The following PLXNA4 variants were observed in gnomAD, a reference collection of about 807,000 sequenced individuals.
PLXNA4 encodes plexin A4.
PLXNA4 carries 44 observed loss-of-function variants against 191.8 expected under a neutral mutation model. The ratio of observed to expected loss-of-function variants is 0.23; its 90% CI spans 0.18 to 0.29. The LOEUF is 0.29. PLXNA4 is among the 10% of genes least tolerant of loss of function. PLXNA4 has a pLI of 1.00. For missense variants in PLXNA4, 1,800 were observed against 2,488.8 expected, an observed-to-expected ratio of 0.72 and a Z score of 5.89; for synonymous variants, 1,082 against 1,009.5, an observed-to-expected ratio of 1.07 and a Z score of -1.36.
At chr7:132,561,296 TCTC>T (rs1801030659) in intron 1 of PLXNA4, among the ~76,000 whole-genome samples, 1 of 136,712 alleles carries the variant, frequency 7.3e-6, no homozygotes, top group South Asian at 2.4e-4. Flanking sequence ...TCCTCCTCCT[TCTC>T]CTCCTCTTTC....
chr7:132,596,186 A>G (rs767879748), intron 2 of PLXNA4, among the ~76,000 whole-genome samples: 12 of 152,252 alleles, frequency 7.9e-5, no homozygotes, highest in Non-Finnish European at 1.2e-4. Flanking sequence ...TAAGTGTTGT[A>G]TATTCTTGAT....
chr7:132,468,781 C>T (rs748534805), intron 3 of PLXNA4, among the ~76,000 whole-genome samples: 3 of 152,008 alleles, frequency 2.0e-5, no homozygotes, highest in Admixed American at 1.3e-4. Context: ...TATTTATGCA[C>T]GACTGTTACA....
At chr7:132,635,933 G>A (rs1803596093) in intron 2 of PLXNA4, among the ~76,000 whole-genome samples, 1 of 152,200 alleles carries the variant, frequency 6.6e-6, no homozygotes, top group African/African-American at 2.4e-5. Flanking sequence ...AGGCAGCAAA[G>A]ATAGGATGCA....
At chr7:132,199,432 C>T (rs1797361766) in intron 12 of PLXNA4, among the ~76,000 whole-genome samples, 1 of 152,098 alleles carries the variant, frequency 6.6e-6, no homozygotes, top group South Asian at 2.1e-4. Context: ...ACTGGCTTTC[C>T]CTCCTAAATC....
At chr7:132,159,701 G>T (rs1002642751) in intron 24 of PLXNA4, 69 bp from the exon 25 acceptor site, 1 of 1,589,262 alleles carries the variant, frequency 6.3e-7, no homozygotes, top group African/African-American at 1.3e-5. Flanking sequence ...ATCCCCAGCA[G>T]CACCCTGGGA....
chr7:132,485,981 T>G (rs1797544572), intron 3 of PLXNA4, among the ~76,000 whole-genome samples: 1 of 152,126 alleles, frequency 6.6e-6, no homozygotes, highest in Non-Finnish European at 1.5e-5. Flanking sequence ...GATAGCTCGG[T>G]CTAGCTCCTG....
At chr7:132,344,941 A>G (rs998506313) in intron 3 of PLXNA4, among the ~76,000 whole-genome samples, 2 of 152,196 alleles carry the variant, frequency 1.3e-5, no homozygotes, top group African/African-American at 4.8e-5. Flanking sequence ...GTGGACTAGC[A>G]GTGCCCTTGA....
At chr7:132,157,012 G>C (rs1232010389) in intron 25 of PLXNA4, among the ~76,000 whole-genome samples, 2 of 152,194 alleles carry the variant, frequency 1.3e-5, no homozygotes, top group African/African-American at 4.8e-5. Context: ...CCCAGTGAGA[G>C]GGGGGCCCTG....
intron 3 of PLXNA4, among the ~76,000 whole-genome samples, chr7:132,441,910 G>A (rs1333582818): frequency 6.6e-6 from 1 of 152,204 alleles, no homozygotes; most frequent in Non-Finnish European, 1.5e-5. Context: ...CTTTGGAGAA[G>A]TCCTTCAGGG....
In PLXNA4 at chr7:132,127,950, CTTTTTTT is replaced by C. The variant is rs376775006; in HGVS notation, c.*2522_*2528del. 1.3e-5 allele frequency: 1 copy of C among 75,928 alleles called. No homozygotes were observed. Among genetic ancestry groups the C allele is most frequent in the South Asian group, 3.9e-4 (1 of 2,596 alleles). The allele number at this position is 75,928 out of a possible 1,614,324, so 4.7% of individuals were successfully genotyped here. A position where few individuals can be genotyped will look rare whatever the true frequency, so the allele number is the denominator to read the frequency against. ...AGCAGAACCGTGATAAGTCTTTTTT[CTTTTTTT>C]TTTCTGCTTGTTTGATTTTTTCTCT... On this transcript the variant is annotated 3_prime_UTR_variant, in exon 32 of 32. Coordinates refer to ENST00000321063, the MANE Select transcript of PLXNA4 (RefSeq NM_020911.2).
intron 3 of PLXNA4, among the ~76,000 whole-genome samples, chr7:132,307,565 A>C (rs914424680): frequency 3.9e-5 from 6 of 151,988 alleles, no homozygotes; most frequent in African/African-American, 1.5e-4. Context: ...TGAGGGAACC[A>C]GTTAGGGGCT....
At chr7:132,330,745 C>A (rs888270132) in intron 3 of PLXNA4, among the ~76,000 whole-genome samples, 1 of 152,174 alleles carries the variant, frequency 6.6e-6, no homozygotes, top group Non-Finnish European at 1.5e-5. Context: ...CAAGGATGGA[C>A]ATGTCCAAGG....
At chr7:132,192,352 G>A (rs1408198218) in intron 14 of PLXNA4, among the ~76,000 whole-genome samples, 1 of 152,068 alleles carries the variant, frequency 6.6e-6, no homozygotes, top group Non-Finnish European at 1.5e-5. Context: ...ATAATCTAGT[G>A]AGAGGCATTG....
chr7:132,345,365 T>A (rs1283819339), intron 3 of PLXNA4, among the ~76,000 whole-genome samples: 1 of 152,246 alleles, frequency 6.6e-6, no homozygotes, highest in Non-Finnish European at 1.5e-5. Context: ...ACATACCATA[T>A]GTGCATTAAG....
chr7:132,293,028 A>G (rs1338741514), intron 4 of PLXNA4, among the ~76,000 whole-genome samples: 1 of 152,158 alleles, frequency 6.6e-6, no homozygotes, highest in East Asian at 1.9e-4. Context: ...GTACACGGAG[A>G]GCCAGGGTCC....
intron 3 of PLXNA4, among the ~76,000 whole-genome samples, chr7:132,472,707 A>G (rs2117427950): frequency 1.3e-5 from 2 of 152,352 alleles, no homozygotes; most frequent in Middle Eastern, 6.8e-3. Context: ...AAAAGCTGGG[A>G]AGTGGACGTC....
At chr7:132,563,070 CTCCTCCTTCTCCTCCTCCTCT>C (rs1801372522) in intron 1 of PLXNA4, among the ~76,000 whole-genome samples, 1 of 101,286 alleles carries the variant, frequency 9.9e-6, no homozygotes, top group Admixed American at 9.6e-5. Flanking sequence ...TCTCCTCCTC[CTCCTCCTTCTCCTCCTCCTCT>C]TCTTCCTCCT....
intron 2 of PLXNA4, among the ~76,000 whole-genome samples, chr7:132,603,404 C>A (rs992884324): frequency 6.6e-6 from 1 of 152,176 alleles, no homozygotes; most frequent in Non-Finnish European, 1.5e-5. Flanking sequence ...CCCAGCTACT[C>A]GGCAGCCCTG....
At chr7:132,311,439 G>A (rs111537408) in intron 3 of PLXNA4, among the ~76,000 whole-genome samples, 2 of 152,054 alleles carry the variant, frequency 1.3e-5, no homozygotes, top group Non-Finnish European at 2.9e-5. Context: ...TGAGTGCAGG[G>A]GCTACATGTT....
Sources: allele counts gnomAD v4.1 joint callset (sites outside exome capture counted in the v4.1 genomes callset), GRCh38; gene constraint gnomAD v4.1.1; transcripts MANE v1.5; gene names NCBI Gene and HGNC (gene_info 2026-07-23, HGNC 2026-07-21).